Variants in EYS observed in about 807,000 individuals in gnomAD.
EYS encodes EGF-like photoreceptor maintenance factor.
Under a neutral mutation model 282.1 loss-of-function variants are expected in EYS, and 250 were observed. The ratio of observed to expected loss-of-function variants is 0.89; its 90% CI spans 0.80 to 0.98. EYS has a LOEUF of 0.98. Ranked by LOEUF, EYS falls within the 50% of genes least tolerant of loss-of-function variation. The probability of loss-of-function intolerance (pLI) is 0.00; values close to 1 mark genes in which losing one functional copy is unlikely to be tolerated. For missense variants in EYS, 4,016 were observed against 3,709.0 expected (o/e 1.08, Z -2.15); for synonymous variants, 1,355 against 1,282.9 (o/e 1.06, Z -1.20).
At chr6:65,312,657 A>C (rs568500194) in intron 11 of EYS, among the ~76,000 whole-genome samples, 5 of 152,176 alleles carry the variant, frequency 3.3e-5, no homozygotes, top group African/African-American at 9.7e-5. Context: ...TTACATGTAA[A>C]CAAGTTGCAC....
intron 5 of EYS, among the ~76,000 whole-genome samples, chr6:65,441,054 T>A (rs1768304770): frequency 6.7e-6 from 1 of 150,104 alleles, no homozygotes; most frequent in African/African-American, 2.4e-5. Context: ...AGAAAAATAA[T>A]AAGATTAATT....
rs189425922 is a variant in EYS at position 64,860,137 on chromosome 6, T to C, written c.2992+26560A>G. Among the ~76,000 whole-genome samples the C allele has an allele frequency of 3.3e-5, 5 of 152,350 alleles. No homozygotes were observed. In the South Asian group the frequency reaches 6.2e-4, roughly 19 times the overall value. On this transcript the variant is annotated intron_variant, in intron 19 of 42. Coordinates refer to ENST00000503581, the MANE Select transcript of EYS (RefSeq NM_001142800.2). ...CCATTTGATCTCTCTTTGTGTATAC[T>C]ATCCTTCCTTTTTGAAAAATATTGA...
At chr6:64,668,358 T>C (rs1769309859) in intron 22 of EYS, among the ~76,000 whole-genome samples, 1 of 152,084 alleles carries the variant, frequency 6.6e-6, no homozygotes, top group South Asian at 2.1e-4. Context: ...CTTCAAAATA[T>C]ACTTCACAAA....
At chr6:65,286,306 C>T (rs1379093761) in intron 12 of EYS, among the ~76,000 whole-genome samples, 2 of 151,690 alleles carry the variant, frequency 1.3e-5, no homozygotes, top group Non-Finnish European at 3.0e-5. Flanking sequence ...GTCTTTCTCT[C>T]ACTTCTTTCT....
chr6:64,663,576 T>C (rs541460205), intron 22 of EYS, among the ~76,000 whole-genome samples: 1 of 152,168 alleles, frequency 6.6e-6, no homozygotes, highest in Non-Finnish European at 1.5e-5. Flanking sequence ...GTATTACCAA[T>C]GTCCATATCA....
At chr6:64,174,065 G>A (rs929314403) in intron 31 of EYS, among the ~76,000 whole-genome samples, 7 of 152,146 alleles carry the variant, frequency 4.6e-5, no homozygotes, top group Non-Finnish European at 8.8e-5. Context: ...AGATAAGCCA[G>A]TCACAGGACA....
At chr6:64,985,769 G>A (rs1770839677) in intron 14 of EYS, among the ~76,000 whole-genome samples, 1 of 151,404 alleles carries the variant, frequency 6.6e-6, no homozygotes, top group Non-Finnish European at 1.5e-5. Context: ...TGCTGAATCT[G>A]GCAATCTTAG....
chr6:63,934,371 C>A lies in EYS; in HGVS notation c.7055+50012G>T, dbSNP rs1357172711. Among the ~76,000 whole-genome samples the A allele has an allele frequency of 3.3e-5, 5 of 152,080 alleles. No homozygotes were observed. The East Asian group carries it at 9.7e-4, about 29-fold the overall frequency. On this transcript the variant is annotated intron_variant, in intron 35 of 42. Transcript: ENST00000503581. ...CCTCAGGGATCTAGAACTAGAAATA[C>A]CATTTGACCCAACCATCCCATTACT...
chr6:64,399,788 G>T (rs1010384246), intron 28 of EYS, among the ~76,000 whole-genome samples: 1 of 151,786 alleles, frequency 6.6e-6, no homozygotes, highest in African/African-American at 2.4e-5. Context: ...CTGAATTTTT[G>T]ACTCATTGTA....
intron 29 of EYS, among the ~76,000 whole-genome samples, chr6:64,345,027 C>A (rs938937658): frequency 2.6e-5 from 4 of 152,032 alleles, no homozygotes; most frequent in African/African-American, 9.7e-5. Flanking sequence ...GAACTACAAA[C>A]CGCTGCTCAA....
chr6:65,464,706 A>G (rs941104716), intron 5 of EYS, among the ~76,000 whole-genome samples: 1 of 152,158 alleles, frequency 6.6e-6, no homozygotes, highest in Non-Finnish European at 1.5e-5. Flanking sequence ...AAGTGAGCAT[A>G]CAGGAGAGAG....
intron 2 of EYS, among the ~76,000 whole-genome samples, chr6:65,563,341 T>C (rs1769137329): frequency 6.6e-6 from 1 of 152,094 alleles, no homozygotes; most frequent in Non-Finnish European, 1.5e-5. Flanking sequence ...TATTTCAAGT[T>C]CATTACTAAA....
In EYS at chr6:64,590,379, CT is replaced by C; in HGVS notation, c.5487del (p.Glu1830ArgfsTer49). On this transcript the variant is annotated frameshift_variant, in exon 26 of 43. Transcript: ENST00000503581. LOFTEE classifies it high-confidence loss of function. ...YFTDYMTSLK[K>X]EVKTSSEWSK... ...GACCATTCTGAAGAAGTCTTGACCT[CT>C]TTTTTAAGAGAGGTCATATAATCTG... is the stretch of plus-strand genomic sequence containing the variant. 6.4e-7 allele frequency: 1 copy of C among 1,551,250 alleles called. No individual in the cohort carries two copies. The highest frequency in any genetic ancestry group is 8.7e-7 in the Non-Finnish European group (1 of 1,146,720).
At chr6:64,691,651 C>A (rs1770387902) in intron 22 of EYS, among the ~76,000 whole-genome samples, 3 of 152,070 alleles carry the variant, frequency 2.0e-5, no homozygotes, top group African/African-American at 7.2e-5. Context: ...GCCCTCCCAC[C>A]TTCCTCCATC....
intron 22 of EYS, among the ~76,000 whole-genome samples, chr6:64,796,545 G>A (rs1189745876): frequency 3.9e-5 from 6 of 152,074 alleles, no homozygotes; most frequent in Non-Finnish European, 8.8e-5. Flanking sequence ...TGAGTTTAAG[G>A]CTCTGAAAAT....
At chr6:64,427,327 C>A (rs1356335022) in intron 28 of EYS, among the ~76,000 whole-genome samples, 1 of 152,070 alleles carries the variant, frequency 6.6e-6, no homozygotes, top group Non-Finnish European at 1.5e-5. Flanking sequence ...TACACCAAAG[C>A]AGCAGGTAAC....
intron 24 of EYS, among the ~76,000 whole-genome samples, chr6:64,594,854 A>T (rs115032392): frequency 0.098 from 14,902 of 151,598 alleles, 914 homozygotes; most frequent in East Asian, 0.17. Context: ...AATAAAATTT[A>T]AAAAATTATA....
chr6:65,010,987 A>AAGGC (rs1342429043), intron 13 of EYS, among the ~76,000 whole-genome samples: 4 of 152,226 alleles, frequency 2.6e-5, no homozygotes, highest in Non-Finnish European at 1.5e-5. Context: ...AAAGAGCCAC[A>AAGGC]AGGCAGGACC....
chr6:64,654,477 C>T (rs551753527), intron 22 of EYS, among the ~76,000 whole-genome samples: 14 of 152,204 alleles, frequency 9.2e-5, no homozygotes, highest in African/African-American at 2.9e-4. Flanking sequence ...CTAACCAAGT[C>T]AAAGGTGAGA....
Sources: allele counts gnomAD v4.1 joint callset (sites outside exome capture counted in the v4.1 genomes callset), GRCh38; gene constraint gnomAD v4.1.1; transcripts MANE v1.5; gene names NCBI Gene and HGNC (gene_info 2026-07-23, HGNC 2026-07-21).